Variants in SPMIP4 observed in about 807,000 individuals in gnomAD.
The protein encoded by SPMIP4 is sperm microtubule inner protein 4, also known as sperm-associated microtubule inner protein 4.
chr7:25,154,024 C>T, the SPMIP4 span, among the ~76,000 whole-genome samples: 1 of 152,004 alleles, frequency 6.6e-6, no homozygotes, highest in South Asian at 2.1e-4. Context: ...TTGCAGACTG[C>T]GAAGCAGAAC....
At chr7:25,161,287 A>C in the SPMIP4 span, 1 of 1,292,282 alleles carries the variant, frequency 7.7e-7, no homozygotes, top group South Asian at 1.4e-5. Context: ...GATTAAATTA[A>C]ACATGTTTTA....
the SPMIP4 span, among the ~76,000 whole-genome samples, chr7:25,143,996 G>A: frequency 6.6e-6 from 1 of 152,216 alleles, no homozygotes; most frequent in Non-Finnish European, 1.5e-5. Context: ...GAAGACAAGA[G>A]GCCATGTCAT....
At chr7:25,129,842 G>A in the SPMIP4 span, among the ~76,000 whole-genome samples, 5 of 151,934 alleles carry the variant, frequency 3.3e-5, no homozygotes, top group African/African-American at 1.2e-4. Context: ...ACAGTTTTTG[G>A]AGCAGAGAAA....
chr7:25,140,892 C>CA, the SPMIP4 span, among the ~76,000 whole-genome samples: 1 of 152,200 alleles, frequency 6.6e-6, no homozygotes, highest in Non-Finnish European at 1.5e-5. Flanking sequence ...TGACCCAGCT[C>CA]AGTTTTTAAA....
chr7:25,173,426 T>A, the SPMIP4 span, among the ~76,000 whole-genome samples: 1 of 152,270 alleles, frequency 6.6e-6, no homozygotes, highest in Non-Finnish European at 1.5e-5. This position sits in a 1 kb window ranked among gnomAD's most constrained non-coding sequence, Gnocchi z 4.4. Flanking sequence ...ATACGGTCTA[T>A]GGCTGCTTTT....
the SPMIP4 span, among the ~76,000 whole-genome samples, chr7:25,159,901 T>C: frequency 6.6e-6 from 1 of 152,036 alleles, no homozygotes. Flanking sequence ...TAAGCTAGCA[T>C]CTAAAATTAT....
the SPMIP4 span, among the ~76,000 whole-genome samples, chr7:25,175,963 C>T: frequency 6.6e-6 from 1 of 152,118 alleles, no homozygotes; most frequent in Admixed American, 6.5e-5. Context: ...CATGATCATC[C>T]TGGTTTTCTT....
the SPMIP4 span, among the ~76,000 whole-genome samples, chr7:25,138,943 C>T: frequency 3.3e-5 from 5 of 151,940 alleles, no homozygotes; most frequent in Admixed American, 1.3e-4. The surrounding 1 kb of genome is among the most constrained non-coding windows in gnomAD (Gnocchi z 6.2). Context: ...CTGGTAACTG[C>T]GAAAGTAGTG....
At chr7:25,157,362 A>C in the SPMIP4 span, among the ~76,000 whole-genome samples, 1 of 152,226 alleles carries the variant, frequency 6.6e-6, no homozygotes, top group East Asian at 1.9e-4. Flanking sequence ...TGTGGGCTGC[A>C]CACAGACACA....
the SPMIP4 span, among the ~76,000 whole-genome samples, chr7:25,161,428 G>A: frequency 2.6e-5 from 4 of 151,858 alleles, no homozygotes; most frequent in Non-Finnish European, 5.9e-5. Flanking sequence ...ATAGAGACGA[G>A]GTCTTGCTAT....
the SPMIP4 span, chr7:25,151,715 A>T: frequency 1.6e-6 from 2 of 1,269,676 alleles, no homozygotes; most frequent in Non-Finnish European, 2.3e-6. Context: ...AATAAATAAG[A>T]ACAGTCTTTT....
the SPMIP4 span, among the ~76,000 whole-genome samples, chr7:25,150,727 A>G: frequency 1.3e-5 from 2 of 152,226 alleles, no homozygotes; most frequent in Non-Finnish European, 2.9e-5. Context: ...AGAACTTCAC[A>G]AACCAGATTT....
the SPMIP4 span, chr7:25,142,208 C>T: frequency 1.3e-6 from 2 of 1,530,044 alleles, no homozygotes; most frequent in African/African-American, 2.7e-5. Flanking sequence ...CACTCTCCCC[C>T]AAAATAACTG....
At chr7:25,160,598 C>G in the SPMIP4 span, among the ~76,000 whole-genome samples, 1 of 152,192 alleles carries the variant, frequency 6.6e-6, no homozygotes. Flanking sequence ...CTGTGCCCAG[C>G]TGTGTTTTAT....
chr7:25,140,793 G>C, the SPMIP4 span, among the ~76,000 whole-genome samples: 1 of 151,288 alleles, frequency 6.6e-6, no homozygotes, highest in Non-Finnish European at 1.5e-5. Context: ...CACCATGTTG[G>C]CCAGGCTGGT....
chr7:25,161,150 G>A, the SPMIP4 span: 8 of 1,236,920 alleles, frequency 6.5e-6, no homozygotes, highest in Middle Eastern at 1.9e-4. Flanking sequence ...ACTTAAAAAT[G>A]TTATTTGATT....
chr7:25,154,459 C>T, the SPMIP4 span, among the ~76,000 whole-genome samples: 12 of 152,134 alleles, frequency 7.9e-5, no homozygotes, highest in Non-Finnish European at 1.5e-4. Context: ...GACTAGTGTA[C>T]GGGATTCCTG....
the SPMIP4 span, chr7:25,135,904 G>T: frequency 9.5e-5 from 144 of 1,509,972 alleles, no homozygotes; most frequent in Non-Finnish European, 1.2e-4. Context: ...CCAGCAATAC[G>T]AAGGAAATTC....
the SPMIP4 span, among the ~76,000 whole-genome samples, chr7:25,147,979 A>G: frequency 6.6e-6 from 1 of 152,220 alleles, no homozygotes; most frequent in Non-Finnish European, 1.5e-5. Flanking sequence ...TTGGAGGGAA[A>G]GTACTAACAT....
Sources: allele counts gnomAD v4.1 joint callset (sites outside exome capture counted in the v4.1 genomes callset), GRCh38; gene constraint gnomAD v4.1.1; non-coding constraint Gnocchi (gnomAD v3.1); transcripts MANE v1.5; gene names NCBI Gene and HGNC (gene_info 2026-07-23, HGNC 2026-07-21).